The following FAM20B variants were observed in gnomAD, a reference collection of about 807,000 sequenced individuals.
FAM20B encodes glycosaminoglycan xylosylkinase.
Under a neutral mutation model 43.8 loss-of-function variants are expected in FAM20B, and 23 were observed. The observed-to-expected ratio is 0.53, with a 90% confidence interval of 0.38 to 0.74. FAM20B has a LOEUF of 0.74. FAM20B is among the 30% of genes least tolerant of loss of function. The probability of loss-of-function intolerance (pLI) is 0.00; values close to 1 mark genes in which losing one functional copy is unlikely to be tolerated. For synonymous variants in FAM20B, 178 were observed against 192.4 expected, an observed-to-expected ratio of 0.93 and a Z score of 0.62; for missense variants, 440 against 510.5, an observed-to-expected ratio of 0.86 and a Z score of 1.33.
At chr1:179,022,463 C>T (rs188978715), upstream of FAM20B, among the ~76,000 whole-genome samples, 20 of 151,950 alleles carry the variant, frequency 1.3e-4, no homozygotes, top group Middle Eastern at 0.01. Flanking sequence ...TGTGTGTGTG[C>T]GCGCGCGCGT....
intron 7 of FAM20B, among the ~76,000 whole-genome samples, chr1:179,070,373 A>T (rs1237476363): frequency 1.3e-5 from 2 of 152,086 alleles, no homozygotes; most frequent in African/African-American, 2.4e-5. Flanking sequence ...ATGAACAGAA[A>T]TTTATTGGTT....
chr1:179,035,132 A>G (rs1200609590), intron 1 of FAM20B, among the ~76,000 whole-genome samples: 2 of 152,156 alleles, frequency 1.3e-5, no homozygotes, highest in African/African-American at 2.4e-5. Context: ...AGGTGTTCTC[A>G]TGTTCCTTGG....
At chr1:179,055,511 A>T (rs1007902210) in intron 4 of FAM20B, among the ~76,000 whole-genome samples, 1 of 152,210 alleles carries the variant, frequency 6.6e-6, no homozygotes, top group Non-Finnish European at 1.5e-5. Context: ...CTTGGGCTAT[A>T]CTTTTCTTAT....
chr1:179,071,607 G>A (rs1240262831), intron 7 of FAM20B, among the ~76,000 whole-genome samples: 4 of 152,124 alleles, frequency 2.6e-5, no homozygotes, highest in South Asian at 2.1e-4. Context: ...TTCAATGGAT[G>A]AACCATAATT....
At position 179,073,567 on chromosome 1, in the gene FAM20B, C is replaced by G. The variant is rs1014619353; in HGVS notation, c.*1423C>G. 5 of 152,184 alleles carry G rather than the reference C, an allele frequency of 3.3e-5. No homozygotes were observed. The East Asian group carries it at 7.7e-4, about 23-fold the overall frequency. 9.4% of individuals were successfully genotyped at this position (152,184 alleles called of 1,614,324 possible). A position where few individuals can be genotyped will look rare whatever the true frequency, so the allele number is the denominator to read the frequency against. ...TGGACTCCTGACCCCAGGTGATCCA[C>G]CTGCCTCAGCCTTCCAAAGTGCTGG... On this transcript the variant is annotated 3_prime_UTR_variant, in exon 8 of 8. Transcript: ENST00000263733.
chr1:179,071,666 G>T (rs1277967257), intron 7 of FAM20B, among the ~76,000 whole-genome samples: 1 of 151,998 alleles, frequency 6.6e-6, no homozygotes, highest in Non-Finnish European at 1.5e-5. Flanking sequence ...CATTTTTCCT[G>T]TTATAAACAG....
rs375526878 is a variant in FAM20B, at chr1:179,044,034, C to T, written c.187C>T (p.Pro63Ser). The T allele has an allele frequency of 7.4e-6, 12 of 1,614,010 alleles. No individual in the cohort carries two copies. In the African/African-American group the frequency reaches 1.6e-4, roughly 22 times the overall value. Residue 63 changes from proline to serine, a missense_variant, in exon 2 of 8, where the codon CCC becomes TCC. Physicochemically the swap from Pro to Ser is moderately conservative, Grantham distance 74 (BLOSUM62 -1). Transcript: ENST00000263733. The stretch of plus-strand genomic sequence containing the variant: ...CAAGCTGGACCATACCTTGCAGTCT[C>T]CCTGGGAGATTGCAGCCCAGTGGGT... ...APKLDHTLQS[P>S]WEIAAQWVVP...
chr1:179,044,091 C>T lies in FAM20B; in HGVS notation c.244C>T (p.Pro82Ser), dbSNP rs770100119. 5 of 1,614,020 alleles carry T rather than the reference C, an allele frequency of 3.1e-6. No individual in the cohort carries two copies. Among genetic ancestry groups the T allele is most frequent in the Non-Finnish European group, 4.2e-6 (5 of 1,180,002 alleles). Residue 82 changes from proline (P) to serine (S), a missense_variant, in exon 2 of 8, where the codon CCA (proline) becomes TCA (serine). Coordinates refer to ENST00000263733, the MANE Select transcript of FAM20B (RefSeq NM_014864.4). The stretch of plus-strand genomic sequence containing the variant: ...CCGGGAAGTGTACCCTGAAGAGACA[C>T]CAGAGCTGGGGGCAGTCATGCATGC... ...VPREVYPEETPELGAVMHAMA... is the reference protein window; with the variant it reads ...VPREVYPEETSELGAVMHAMA...
chr1:179,020,262 T>C, the FAM20B span, among the ~76,000 whole-genome samples: 1 of 152,200 alleles, frequency 6.6e-6, no homozygotes, highest in African/African-American at 2.4e-5. Context: ...TCAACCCTTC[T>C]GGTTGCCTCA....
rs1487840773 is a variant in FAM20B at position 179,076,419 on chromosome 1, C to A, written c.*4275C>A. 2 of 152,462 alleles carry A rather than the reference C, an allele frequency of 1.3e-5. No homozygotes were observed. Among genetic ancestry groups the A allele is most frequent in the Non-Finnish European group, 2.9e-5 (2 of 68,006 alleles). 9.4% of individuals were successfully genotyped at this position (152,462 alleles called of 1,614,324 possible). A position where few individuals can be genotyped will look rare whatever the true frequency, so the allele number is the denominator to read the frequency against. ...AGCCACTACCCTCTCTTTTGATCTG[C>A]CAAGGATTTCCTCTCAGAGCTGTTG... On this transcript the variant is annotated 3_prime_UTR_variant, in exon 8 of 8. Coordinates refer to ENST00000263733, the MANE Select transcript of FAM20B (RefSeq NM_014864.4).
chr1:179,071,223 GA>G (rs1264443285), intron 7 of FAM20B, among the ~76,000 whole-genome samples: 1 of 151,372 alleles, frequency 6.6e-6, no homozygotes, highest in Non-Finnish European at 1.5e-5. Context: ...GTGAACCCGG[GA>G]GGCAGAGCTT....
chr1:179,021,313 A>T (rs912319513), upstream of FAM20B, among the ~76,000 whole-genome samples: 2 of 152,182 alleles, frequency 1.3e-5, no homozygotes, highest in African/African-American at 4.8e-5. Flanking sequence ...AGCTTCCATC[A>T]CAACAAAAAA....
chr1:179,075,281 C>T lies in FAM20B; in HGVS notation c.*3137C>T, dbSNP rs1239205157. On this transcript the variant is annotated 3_prime_UTR_variant, in exon 8 of 8. Coordinates refer to ENST00000263733, the MANE Select transcript of FAM20B (RefSeq NM_014864.4). The stretch of plus-strand genomic sequence containing the variant: ...GAATCTAAGGCTGTTACAATCAAGT[C>T]GTTGCAGGGTTTGGATCAGCTGTAA... 8 of 151,874 alleles carry T rather than the reference C, an allele frequency of 5.3e-5. No homozygotes were observed. Among genetic ancestry groups the T allele is most frequent in the African/African-American group, 1.7e-4 (7 of 41,324 alleles). The allele number at this position is 151,874 out of a possible 1,614,324, so 9.4% of individuals were successfully genotyped here.
intron 4 of FAM20B, 24 bp downstream of exon 4, chr1:179,054,662 T>C: frequency 2.2e-6 from 3 of 1,383,480 alleles, no homozygotes; most frequent in Non-Finnish European, 3.1e-6. Context: ...AGAGGACATT[T>C]ATATAGGGGA....
chr1:179,035,903 G>A (rs1452131121), intron 1 of FAM20B, among the ~76,000 whole-genome samples: 1 of 152,134 alleles, frequency 6.6e-6, no homozygotes, highest in Non-Finnish European at 1.5e-5. Context: ...GCTGAGGTGG[G>A]CAGATCACTT....
intron 1 of FAM20B, 77 bp from the exon 2 acceptor site, chr1:179,043,638 A>G (rs994948556): frequency 3.9e-6 from 2 of 514,294 alleles, no homozygotes; most frequent in East Asian, 3.0e-5. Context: ...TGAGTCATAT[A>G]TTAGAGGCTT....
At chr1:179,041,661 T>G (rs1299119052) in intron 1 of FAM20B, among the ~76,000 whole-genome samples, 19 of 99,222 alleles carry the variant, frequency 1.9e-4, no homozygotes, top group South Asian at 3.1e-4. Flanking sequence ...AGACGGGAGA[T>G]GGGAGACAGG....
Position 179,043,845 on chromosome 1 carries a change from A to G in FAM20B, c.-3A>G. The G allele has an allele frequency of 1.9e-6, 3 of 1,584,870 alleles. No homozygotes were observed. Among genetic ancestry groups the G allele is most frequent in the Non-Finnish European group, 1.7e-6 (2 of 1,160,834 alleles). ...GGTCAGGGGAGAAGGAAAAGAGGTCAACATGAAGCTAAAGCAGCGAGTCGT... is the reference window on the plus strand; with the variant it reads ...GGTCAGGGGAGAAGGAAAAGAGGTCGACATGAAGCTAAAGCAGCGAGTCGT... On this transcript the variant is annotated 5_prime_UTR_variant, in exon 2 of 8. Transcript: ENST00000263733.
chr1:179,056,260 G>A (rs1651215708), intron 4 of FAM20B, among the ~76,000 whole-genome samples: 1 of 152,092 alleles, frequency 6.6e-6, no homozygotes, highest in Admixed American at 6.6e-5. Context: ...TATTTTCACT[G>A]ATCTAAAAAT....
Sources: gnomAD v4.1 joint callset for allele counts (sites outside exome capture counted in the v4.1 genomes callset) on GRCh38, gnomAD v4.1.1 for gene constraint, MANE v1.5 for transcripts, NCBI Gene and HGNC (gene_info 2026-07-23, HGNC 2026-07-21) for gene names.